The following JAG2 variants were observed in gnomAD, a reference collection of about 807,000 sequenced individuals.
JAG2 encodes protein jagged-2.
A neutral mutation model predicts 141.7 loss-of-function variants in JAG2; 46 were observed. The ratio of observed to expected loss-of-function variants is 0.32; its 90% CI spans 0.26 to 0.42. The LOEUF is 0.42. Among genes scored for constraint, JAG2 ranks in the 10% least tolerant of loss-of-function variants. The pLI, the probability that JAG2 is intolerant of heterozygous loss-of-function variation, is 1.00. For missense variants in JAG2, 1,500 were observed against 1,817.5 expected, an observed-to-expected ratio of 0.83 and a Z score of 3.18; for synonymous variants, 862 against 763.5, an observed-to-expected ratio of 1.13 and a Z score of -2.13.
intron 2 of JAG2, among the ~76,000 whole-genome samples, chr14:105,163,558 TGGTCTG>T (rs1442988301): frequency 6.8e-6 from 1 of 146,112 alleles, no homozygotes; most frequent in Non-Finnish European, 1.5e-5. Flanking sequence ...CTCAGGCCTG[TGGTCTG>T]GGGACAGGGA....
chr14:105,159,269 C>T (rs1035699566), intron 2 of JAG2, among the ~76,000 whole-genome samples: 6 of 152,046 alleles, frequency 3.9e-5, no homozygotes, highest in South Asian at 2.1e-4. Context: ...CACCCGGGGA[C>T]GGCCCGAGGA....
At chr14:105,148,470 G>A (rs1888301219) in intron 15 of JAG2, 31 bp from the exon 16 acceptor site, 1 of 1,542,780 alleles carries the variant, frequency 6.5e-7, no homozygotes, top group Non-Finnish European at 8.9e-7. Flanking sequence ...CAGCGGGCGG[G>A]GGGTCACCGG....
At position 105,149,041 on chromosome 14, in the gene JAG2, G is replaced by T; in HGVS notation, c.1802C>A (p.Ala601Glu). 1 of 1,608,224 alleles carries T rather than the reference G, an allele frequency of 6.2e-7. No individual in the cohort carries two copies. The highest frequency in any genetic ancestry group is 1.7e-5 in the Admixed American group (1 of 59,638). Residue 601 changes from alanine to glutamate, a missense_variant, in exon 14 of 26, where the codon GCA (alanine) becomes GAA (glutamate). Ala to Glu is a moderately radical substitution (Grantham distance 107). Around this residue, in one of 3 missense-constraint regions of JAG2, gnomAD observed 875 missense variants for 1,202.2 expected, o/e 0.73. Transcript: ENST00000331782. ...SDAGPGMPGT[A>E]ASGVCGPHGR... ...ATGGGGGCCACACACGCCGGAGGCT[G>T]CTGTGCCAGGCATCCCAGGCCCCGC...
In JAG2 at chr14:105,167,557, G is replaced by A. The variant is rs944186851; in HGVS notation, c.417+200C>T. Among the ~76,000 whole-genome samples the A allele has an allele frequency of 6.8e-6, 1 of 146,964 alleles. No homozygotes were observed. Among genetic ancestry groups the A allele is most frequent in the Non-Finnish European group, 1.5e-5 (1 of 66,048 alleles). ...CCCCGCCGCGACCCCGCTCCCGGTG[G>A]CCCCGGGGCCCCGGCGCGCCCACGT... On this transcript the variant is annotated intron_variant, in intron 2 of 25. Transcript: ENST00000331782. This position sits in a 1 kb window ranked among gnomAD's most constrained non-coding sequence, Gnocchi z 4.8.
Position 105,143,587 on chromosome 14 carries a change from C to T in JAG2, c.3136G>A (p.Ala1046Thr), listed in dbSNP as rs868746564. The T allele has an allele frequency of 6.2e-7, 1 of 1,606,440 alleles. No individual in the cohort carries two copies. The highest frequency in any genetic ancestry group is 1.1e-5 in the South Asian group (1 of 89,860). ...GTGATGGCGGCCACGATGGCGTGGG[C>T]CGCGCCCTGGATCAGGCTGCTGTCA... is the stretch of plus-strand genomic sequence containing the variant. Reference protein sequence around the residue: ...LPDSSLIQGAAHAIVAAITQR... With the variant: ...LPDSSLIQGATHAIVAAITQR... The change falls in exon 25 of 26, where the codon GCC becomes ACC. Residue 1046 changes from alanine to threonine, a missense_variant. This residue lies in a region of JAG2 where 425 missense variants were observed against 441.0 expected (regional missense o/e 0.96). Transcript: ENST00000331782.
rs373312162 is a variant in JAG2, at chr14:105,142,674, C to T, written c.*21G>A. The stretch of plus-strand genomic sequence containing the variant: ...GGCTCCCACCGAGGGCCCTGGGTCC[C>T]GGCCCAGCTGGCAGCCGCCCCTACT... On this transcript the variant is annotated 3_prime_UTR_variant, in exon 26 of 26. Transcript: ENST00000331782. 2.5e-3 allele frequency: 3,877 copies of T among 1,569,938 alleles called. 8 individuals carry two copies. The highest frequency in any genetic ancestry group is 3.2e-3 in the Non-Finnish European group (3,664 of 1,155,372).
At chr14:105,162,771 TACCCACAGTCCAGGGC>T (rs1211740958) in intron 2 of JAG2, among the ~76,000 whole-genome samples, 1 of 57,186 alleles carries the variant, frequency 1.7e-5, no homozygotes, top group East Asian at 7.3e-4. Flanking sequence ...TGGCCCAGTG[TACCCACAGTCCAGGGC>T]ACCCCAAAGC....
chr14:105,146,236 G>A (rs1185538253), intron 22 of JAG2, 149 bp downstream of exon 22: 10 of 817,936 alleles, frequency 1.2e-5, no homozygotes, highest in Non-Finnish European at 1.8e-5. Context: ...ATGGGGCCTG[G>A]CTGAGCTCTC....
chr14:105,149,011 C>G lies in JAG2; in HGVS notation c.1832G>C (p.Arg611Pro). ...AASGVCGPHG[R>P]CVSQPGGNFS... ...GTTGCCCCCTGGCTGGCTGACGCAG[C>G]GTCCATGGGGGCCACACACGCCGGA... The change falls in exon 14 of 26, where the codon CGC (arginine) becomes CCC (proline). Residue 611 changes from arginine (R) to proline (P), a missense_variant. Arg to Pro is a moderately radical substitution (Grantham distance 103, BLOSUM62 -2). Coordinates refer to ENST00000331782, the MANE Select transcript of JAG2 (RefSeq NM_002226.5). 6.2e-7 allele frequency: 1 copy of G among 1,606,810 alleles called. No individual in the cohort carries two copies. The highest frequency in any genetic ancestry group is 8.5e-7 in the Non-Finnish European group (1 of 1,177,524).
In JAG2 at chr14:105,151,966, G is replaced by T; in HGVS notation, c.1011C>A (p.Asp337Glu). The change falls in exon 7 of 26, where the codon GAC (aspartate) becomes GAA (glutamate). Residue 337 changes from aspartate (D) to glutamate (E), a missense_variant. Asp to Glu is a conservative substitution (Grantham distance 45). Transcript: ENST00000331782. ...EPDQYRCTCP[D>E]GYSGRNCEKA... ...TCTCACAGTTCCTGCCCGAGTAGCC[G>T]TCAGGGCAGGTGCAGCGGTACTGGT... 3 of 1,613,296 alleles carry T rather than the reference G, an allele frequency of 1.9e-6. No homozygotes were observed. The highest frequency in any genetic ancestry group is 2.5e-6 in the Non-Finnish European group (3 of 1,180,016).
Position 105,146,679 on chromosome 14 carries a change from C to T in JAG2, c.2525G>A (p.Cys842Tyr). 6.2e-7 allele frequency: 1 copy of T among 1,612,708 alleles called. No homozygotes were observed. The highest frequency in any genetic ancestry group is 8.5e-7 in the Non-Finnish European group (1 of 1,179,884). The change falls in exon 21 of 26, where the codon TGT (cysteine) becomes TAT (tyrosine). Residue 842 changes from cysteine (C) to tyrosine (Y), a missense_variant. Around this residue, in one of 3 missense-constraint regions of JAG2, gnomAD observed 875 missense variants for 1,202.2 expected, o/e 0.73. Transcript: ENST00000331782. Reference protein sequence around the residue: ...QSSPCAYGATCVDEINGYRCS... With the variant: ...QSSPCAYGATYVDEINGYRCS... ...GCGATACCCGTTGATCTCATCCACACACGTGGCCCCGTAGGCACAGGGCGA... is the reference window on the plus strand; with the variant it reads ...GCGATACCCGTTGATCTCATCCACATACGTGGCCCCGTAGGCACAGGGCGA...
At chr14:105,146,949 T>C in intron 20 of JAG2, 8 of 639,062 alleles carry the variant, frequency 1.3e-5, no homozygotes, top group Middle Eastern at 4.1e-4. Flanking sequence ...GCAGTGGGCC[T>C]GTCCCATCCT....
intron 1 of JAG2, 83 bp from the exon 2 acceptor site, chr14:105,168,190 C>T: frequency 8.4e-7 from 1 of 1,192,732 alleles, no homozygotes; most frequent in Non-Finnish European, 1.1e-6. Context: ...GAACAGGCCC[C>T]GCCGCCCCGC....
In JAG2 at chr14:105,154,129, C is replaced by A. The variant is rs1888514079; in HGVS notation, c.788+1433G>T. Among the ~76,000 whole-genome samples, 1 of 152,144 alleles carries A rather than the reference C, an allele frequency of 6.6e-6. No individual in the cohort carries two copies. Among genetic ancestry groups the A allele is most frequent in the African/African-American group, 2.4e-5 (1 of 41,422 alleles). ...ACCGTGGGGCCTGTGGAAGGGTCAC[C>A]CACCTCCCCACCTTGGCTCCCAACT... is the stretch of plus-strand genomic sequence containing the variant. On this transcript the variant is annotated intron_variant, in intron 5 of 25. Transcript: ENST00000331782. This position sits in a 1 kb window ranked among gnomAD's most constrained non-coding sequence, Gnocchi z 4.4.
intron 22 of JAG2, 72 bp from the exon 23 acceptor site, chr14:105,146,045 C>T (rs1888213392): frequency 1.3e-6 from 2 of 1,553,242 alleles, no homozygotes; most frequent in Non-Finnish European, 1.7e-6. Flanking sequence ...CAGATGAGAA[C>T]CCACAGGCAG....
At chr14:105,152,362 A>G in intron 5 of JAG2, 71 bp from the exon 6 acceptor site, 1 of 1,544,282 alleles carries the variant, frequency 6.5e-7, no homozygotes, top group South Asian at 1.2e-5. Context: ...GGAGCCAGGC[A>G]CAGTCACCCA....
chr14:105,150,688 G>A lies in JAG2; in HGVS notation c.1518C>T (p.Pro506=), dbSNP rs1484920560. ...CCTCGCAGAGGCCGCCGCTGTGGCAGGGGCTGCTGGCACACTCGTCTCGTT... is the reference window on the plus strand; with the variant it reads ...CCTCGCAGAGGCCGCCGCTGTGGCAAGGGCTGCTGGCACACTCGTCTCGTT... ...ELERDECASS[P]CHSGGLCEDL... is the part of the protein sequence containing the mutation. Residue 506 remains proline (P), a synonymous_variant, in exon 12 of 26, where the codon CCC becomes CCT. Transcript: ENST00000331782. 9.7e-6 allele frequency: 15 copies of A among 1,553,812 alleles called. No individual in the cohort carries two copies. Among genetic ancestry groups the A allele is most frequent in the African/African-American group, 1.4e-5 (1 of 73,188 alleles).
intron 15 of JAG2, 28 bp from the exon 16 acceptor site, chr14:105,148,467 C>T (rs200852971): frequency 4.4e-5 from 62 of 1,403,920 alleles, no homozygotes; most frequent in Non-Finnish European, 4.9e-5. Context: ...GGTCAGCGGG[C>T]GGGGGGTCAC....
Position 105,152,256 on chromosome 14 carries a change from T to C in JAG2, c.824A>G (p.Glu275Gly), listed in dbSNP as rs1323542723. 2 of 1,613,092 alleles carry C rather than the reference T, an allele frequency of 1.2e-6. No homozygotes were observed. Among genetic ancestry groups the C allele is most frequent in the Non-Finnish European group, 1.7e-6 (2 of 1,179,988 alleles). The part of the protein sequence containing the change: ...SYGWQGRFCD[E>G]CVPYPGCVHG... ...CACGCAGCCGGGGTAGGGGACACAC[T>C]CATCGCAGAACCTCCCTTGCCAGCC... Residue 275 changes from glutamate (E) to glycine (G), a missense_variant, in exon 6 of 26, where the codon GAG (glutamate) becomes GGG (glycine). This residue lies in a region of JAG2 where 875 missense variants were observed against 1,202.2 expected (regional missense o/e 0.73). Coordinates refer to ENST00000331782, the MANE Select transcript of JAG2 (RefSeq NM_002226.5).
Sources: gnomAD v4.1 joint callset for allele counts (sites outside exome capture counted in the v4.1 genomes callset) on GRCh38, gnomAD v4.1.1 for gene constraint, gnomAD v4.1.1 regional missense constraint, Gnocchi (gnomAD v3.1) non-coding constraint, MANE v1.5 for transcripts, NCBI Gene and HGNC (gene_info 2026-07-23, HGNC 2026-07-21) for gene names.